GDA: variants seen among roughly 807,000 people sequenced by gnomAD.
The protein encoded by GDA is cytoplasmic PSD-95 interactor.
In GDA, 18 loss-of-function variants were observed where a neutral mutation model predicts 59.6. The observed-to-expected ratio is 0.30, with a 90% CI of 0.21 to 0.45. The LOEUF is 0.45. Among genes scored for constraint, GDA ranks in the 20% least tolerant of loss-of-function variants. GDA has a pLI of 1.00. For missense variants in GDA, 427 were observed against 552.3 expected, an observed-to-expected ratio of 0.77 and a Z score of 2.27; for synonymous variants, 201 against 201.1, an observed-to-expected ratio of 1.00 and a Z score of 0.00.
intron 1 of GDA, among the ~76,000 whole-genome samples, chr9:72,162,288 C>A (rs1828728747): frequency 6.6e-6 from 1 of 152,152 alleles, no homozygotes; most frequent in African/African-American, 2.4e-5. Context: ...CTTATTTGCA[C>A]TCGGAGTCAA....
chr9:72,240,280 G>T (rs1367055853), intron 10 of GDA, among the ~76,000 whole-genome samples: 1 of 152,098 alleles, frequency 6.6e-6, no homozygotes. Flanking sequence ...AAATTACAAA[G>T]AAGTGGCTTT....
Position 72,250,261 on chromosome 9 carries a change from C to T in GDA, c.*1919C>T. On this transcript the variant is annotated 3_prime_UTR_variant, in exon 14 of 14. Transcript: ENST00000358399. ...TGTAAGATTCACTTACAGGCAGTAG[C>T]TGCTTCTAGCATTTGCAAGATCCTA... 1.0e-6 allele frequency: 1 copy of T among 994,312 alleles called. No individual in the cohort carries two copies. Among genetic ancestry groups the T allele is most frequent in the Non-Finnish European group, 1.2e-6 (1 of 835,930 alleles). The allele number at this position is 994,312 out of a possible 1,614,324, so 61.6% of individuals were successfully genotyped here. A position where few individuals can be genotyped will look rare whatever the true frequency, so the allele number is the denominator to read the frequency against.
downstream of GDA, among the ~76,000 whole-genome samples, chr9:72,259,630 C>T (rs1038735433): frequency 2.0e-5 from 3 of 152,146 alleles, no homozygotes; most frequent in East Asian, 1.9e-4. Flanking sequence ...GCTTGAGACA[C>T]GGCCTAAGTC....
intron 1 of GDA, among the ~76,000 whole-genome samples, chr9:72,156,998 T>G (rs1827968910): frequency 6.7e-6 from 1 of 150,114 alleles, no homozygotes; most frequent in Non-Finnish European, 1.5e-5. Flanking sequence ...TACCCCTACC[T>G]GGAACTGTCT....
intron 1 of GDA, among the ~76,000 whole-genome samples, chr9:72,135,464 A>C (rs1391278316): frequency 6.6e-6 from 1 of 152,214 alleles, no homozygotes; most frequent in East Asian, 1.9e-4. Context: ...AGTCATAAGT[A>C]GCAGATCCAG....
chr9:72,168,288 T>C (rs2130919758), intron 1 of GDA, among the ~76,000 whole-genome samples: 1 of 151,468 alleles, frequency 6.6e-6, no homozygotes, highest in South Asian at 2.1e-4. Flanking sequence ...TGGTCCCAGC[T>C]ACGCAGGAGG....
At chr9:72,241,337 C>A in intron 11 of GDA, 39 bp downstream of exon 11, 1 of 1,461,986 alleles carries the variant, frequency 6.8e-7, no homozygotes. Context: ...CAATATACAA[C>A]CATGCTGATC....
intron 1 of GDA, among the ~76,000 whole-genome samples, chr9:72,118,315 T>C (rs1825540183): frequency 6.8e-6 from 1 of 147,574 alleles, no homozygotes; most frequent in South Asian, 2.2e-4. Flanking sequence ...AATTCAGGCA[T>C]TCAAAGAAAG....
rs567495736 is a variant in GDA, at chr9:72,164,457, G to A, written c.123+14775G>A. On this transcript the variant is annotated intron_variant, in intron 1 of 13. Transcript: ENST00000358399. The stretch of plus-strand genomic sequence containing the variant: ...GCTTATTTCAGCACAGGGAGAGGGT[G>A]GCAATCAGCTTGGGTTAGGTTTTGG... 3.5e-4 allele frequency among the ~76,000 whole-genome samples: 53 copies of A among 152,228 alleles called. No individual in the cohort carries two copies. In the South Asian group the frequency reaches 0.011, roughly 32 times the overall value.
intron 3 of GDA, among the ~76,000 whole-genome samples, chr9:72,208,839 G>A (rs1835029351): frequency 6.6e-6 from 1 of 152,152 alleles, no homozygotes; most frequent in African/African-American, 2.4e-5. Context: ...GCTAGAACAT[G>A]AGCATTGCAT....
At chr9:72,141,329 T>G (rs1826432881) in intron 1 of GDA, among the ~76,000 whole-genome samples, 1 of 152,218 alleles carries the variant, frequency 6.6e-6, no homozygotes, top group Admixed American at 6.5e-5. Flanking sequence ...AAATTTCATT[T>G]ATATATAATA....
intron 1 of GDA, among the ~76,000 whole-genome samples, chr9:72,135,559 G>A (rs1416172419): frequency 2.0e-5 from 3 of 152,054 alleles, no homozygotes; most frequent in East Asian, 2.0e-4. Context: ...CATCTATTAC[G>A]AGGAAGGTGT....
intron 1 of GDA, among the ~76,000 whole-genome samples, chr9:72,121,763 A>G (rs2130576872): frequency 6.6e-6 from 1 of 152,224 alleles, no homozygotes; most frequent in East Asian, 1.9e-4. Context: ...TGCACATCTC[A>G]ACGCATGGAA....
upstream of GDA, among the ~76,000 whole-genome samples, chr9:72,147,357 A>G (rs1387265531): frequency 6.6e-6 from 1 of 152,130 alleles, no homozygotes; most frequent in East Asian, 1.9e-4. Flanking sequence ...ACAGGCACGC[A>G]TCACCACACC....
At chr9:72,169,196 G>A (rs1198683719) in intron 1 of GDA, among the ~76,000 whole-genome samples, 1 of 152,204 alleles carries the variant, frequency 6.6e-6, no homozygotes, top group African/African-American at 2.4e-5. Flanking sequence ...ATAGATATTG[G>A]TTTTGGGAAG....
chr9:72,256,538 A>T (rs912660306), downstream of GDA, among the ~76,000 whole-genome samples: 2 of 152,234 alleles, frequency 1.3e-5, no homozygotes, highest in African/African-American at 4.8e-5. Flanking sequence ...CAGAAGTGAC[A>T]TCTAAGCCTG....
At chr9:72,180,325 C>G (rs1044710531) in intron 1 of GDA, among the ~76,000 whole-genome samples, 3 of 152,234 alleles carry the variant, frequency 2.0e-5, no homozygotes, top group Non-Finnish European at 2.9e-5. Flanking sequence ...CCACTGCACT[C>G]CAGCCTGGGC....
At position 72,241,149 on chromosome 9, in the gene GDA, C is replaced by A; in HGVS notation, c.989-3C>A. 3 of 1,589,180 alleles carry A rather than the reference C, an allele frequency of 1.9e-6. No homozygotes were observed. Among genetic ancestry groups the A allele is most frequent in the Non-Finnish European group, 2.6e-6 (3 of 1,160,832 alleles). ...TGTTTTGGTTTTATTTTACCTACTG[C>A]AGACGTGGCTGGTGGCTATTCATAT... On this transcript the variant is annotated splice_polypyrimidine_tract_variant and splice_region_variant and intron_variant, in intron 10 of 13. Coordinates refer to ENST00000358399, the MANE Select transcript of GDA (RefSeq NM_004293.5).
intron 4 of GDA, among the ~76,000 whole-genome samples, chr9:72,212,648 A>G (rs1021427342): frequency 5.3e-5 from 8 of 152,262 alleles, no homozygotes; most frequent in African/African-American, 1.9e-4. Flanking sequence ...GAGTAATCAG[A>G]GGAATAAGGA....
Sources: gnomAD v4.1 joint callset for allele counts (sites outside exome capture counted in the v4.1 genomes callset) on GRCh38, gnomAD v4.1.1 for gene constraint, MANE v1.5 for transcripts, NCBI Gene and HGNC (gene_info 2026-07-23, HGNC 2026-07-21) for gene names.